Variants in GMDS observed in about 807,000 individuals in gnomAD.
GMDS encodes the protein GDP-mannose 4,6-dehydratase, also known as GDP-mannose 4,6 dehydratase.
Under a neutral mutation model 49.9 loss-of-function variants are expected in GMDS, and 20 were observed. The ratio of observed to expected loss-of-function variants is 0.40; its 90% CI spans 0.28 to 0.58. GMDS has a LOEUF of 0.58. Ranked by LOEUF, GMDS falls within the 20% of genes least tolerant of loss-of-function variation. The pLI is 0.42. For missense variants in GMDS, 362 were observed against 481.4 expected (o/e 0.75, Z 2.32); for synonymous variants, 177 against 178.6 (o/e 0.99, Z 0.07).
intron 1 of GMDS, among the ~76,000 whole-genome samples, chr6:2,230,739 A>T (rs536448195): frequency 5.9e-5 from 9 of 152,208 alleles, no homozygotes; most frequent in Non-Finnish European, 1.3e-4. Flanking sequence ...TAAAAAAGCC[A>T]AAAGGAAAAA....
At chr6:1,916,399 C>CAT (rs1343687536) in intron 7 of GMDS, among the ~76,000 whole-genome samples, 1 of 151,640 alleles carries the variant, frequency 6.6e-6, no homozygotes, top group Non-Finnish European at 1.5e-5. Flanking sequence ...TAAGAGTTTT[C>CAT]ATATTGTATT....
intron 7 of GMDS, among the ~76,000 whole-genome samples, chr6:1,792,554 T>TAC (rs146325503): frequency 6.6e-6 from 1 of 152,278 alleles, no homozygotes; most frequent in Non-Finnish European, 1.5e-5. Flanking sequence ...TCCTGAATAC[T>TAC]ACACCTTCAC....
intron 4 of GMDS, among the ~76,000 whole-genome samples, chr6:2,111,781 CTTTT>C (rs915469036): frequency 1.3e-5 from 2 of 152,144 alleles, no homozygotes; most frequent in African/African-American, 4.8e-5. Context: ...TCAGAAGTAA[CTTTT>C]TTTGTCTAAA....
chr6:1,980,257 T>TA (rs576057911), intron 4 of GMDS, among the ~76,000 whole-genome samples: 49 of 151,966 alleles, frequency 3.2e-4, no homozygotes, highest in Admixed American at 3.1e-3. Context: ...GCAAGCTGGA[T>TA]AAAAAAACAA....
chr6:2,174,860 T>A (rs1052021501), intron 1 of GMDS, among the ~76,000 whole-genome samples: 1 of 151,994 alleles, frequency 6.6e-6, no homozygotes. Context: ...TGATCCACCA[T>A]GCCTGGCCGA....
chr6:1,886,583 G>C (rs1035032452), intron 7 of GMDS, among the ~76,000 whole-genome samples: 1 of 152,050 alleles, frequency 6.6e-6, no homozygotes, highest in African/African-American at 2.4e-5. Flanking sequence ...GTTTTGTAAG[G>C]AACAATGACC....
At chr6:1,935,791 A>C (rs949855602) in intron 6 of GMDS, among the ~76,000 whole-genome samples, 3 of 152,256 alleles carry the variant, frequency 2.0e-5, no homozygotes, top group African/African-American at 7.2e-5. Context: ...CATTGATAGA[A>C]TGAGAACAGA....
intron 9 of GMDS, among the ~76,000 whole-genome samples, chr6:1,650,423 C>A (rs1763615922): frequency 1.3e-5 from 2 of 152,102 alleles, no homozygotes; most frequent in South Asian, 4.1e-4. Flanking sequence ...ACAGTGGCAC[C>A]TTTTAAGAAC....
chr6:2,219,191 T>C (rs1001992220), intron 1 of GMDS, among the ~76,000 whole-genome samples: 42 of 152,224 alleles, frequency 2.8e-4, no homozygotes, highest in African/African-American at 9.9e-4. Context: ...CTCACCTGAA[T>C]ACCCATTTGC....
chr6:2,143,874 T>C (rs1776425511), intron 1 of GMDS, among the ~76,000 whole-genome samples: 1 of 152,232 alleles, frequency 6.6e-6, no homozygotes, highest in African/African-American at 2.4e-5. Context: ...GAACATTCCA[T>C]ATCTTGGCTC....
intron 1 of GMDS, among the ~76,000 whole-genome samples, chr6:2,203,213 C>T (rs375376707): frequency 2.0e-5 from 3 of 151,920 alleles, no homozygotes; most frequent in Non-Finnish European, 4.4e-5. Context: ...GGGTAGTTAA[C>T]GTTTATTGAT....
chr6:1,829,195 C>T (rs1421887849), intron 7 of GMDS, among the ~76,000 whole-genome samples: 1 of 152,054 alleles, frequency 6.6e-6, no homozygotes, highest in Non-Finnish European at 1.5e-5. Context: ...GAAGAAAATC[C>T]ATGTATAAGT....
intron 1 of GMDS, among the ~76,000 whole-genome samples, chr6:2,227,457 A>T (rs1360144290): frequency 6.6e-6 from 1 of 152,228 alleles, no homozygotes; most frequent in Non-Finnish European, 1.5e-5. Flanking sequence ...CAAGTTTCTT[A>T]TCTTTGGAGA....
intron 7 of GMDS, among the ~76,000 whole-genome samples, chr6:1,902,044 C>T (rs1760528393): frequency 6.6e-6 from 1 of 152,224 alleles, no homozygotes; most frequent in South Asian, 2.1e-4. Flanking sequence ...ATGCGAAAAT[C>T]TGGGGTGAAA....
At chr6:1,698,863 A>G (rs963219028) in intron 9 of GMDS, among the ~76,000 whole-genome samples, 5 of 149,846 alleles carry the variant, frequency 3.3e-5, no homozygotes, top group African/African-American at 1.2e-4. Flanking sequence ...AGGCTTGTGA[A>G]TACTTTCTTG....
chr6:1,979,758 G>T (rs1395502132), intron 4 of GMDS, among the ~76,000 whole-genome samples: 1 of 152,096 alleles, frequency 6.6e-6, no homozygotes, highest in Admixed American at 6.6e-5. Flanking sequence ...ATTCTCCAAG[G>T]TCGAAATAAA....
intron 4 of GMDS, among the ~76,000 whole-genome samples, chr6:1,979,220 G>A (rs553970361): frequency 6.6e-6 from 1 of 152,332 alleles, no homozygotes; most frequent in East Asian, 1.9e-4. Flanking sequence ...AACAGAAGGA[G>A]ACTTCAGAAT....
rs115458633 is a variant in GMDS, at chr6:2,139,181, T to G, written c.103-14450A>C. On this transcript the variant is annotated intron_variant, in intron 1 of 10. Transcript: ENST00000380815. ...TTCACCCACGTAACCAAGAACTTCT[T>G]GTACCCCAAAAGCTATTGAAATAAA... Among the ~76,000 whole-genome samples, 867 of 152,344 alleles carry G rather than the reference T, an allele frequency of 5.7e-3. 2 individuals carry two copies. Among genetic ancestry groups the G allele is most frequent in the Middle Eastern group, 0.017 (5 of 294 alleles).
chr6:1,945,965 A>T (rs12111095), intron 6 of GMDS, among the ~76,000 whole-genome samples: 5,469 of 152,216 alleles, frequency 0.036, 332 homozygotes, highest in African/African-American at 0.13. Context: ...AGTTTTTTTT[A>T]AAGTTAATAG....
Sources: allele counts gnomAD v4.1 joint callset (sites outside exome capture counted in the v4.1 genomes callset), GRCh38; gene constraint gnomAD v4.1.1; transcripts MANE v1.5; gene names NCBI Gene and HGNC (gene_info 2026-07-23, HGNC 2026-07-21).